HMCN1: variants seen among roughly 807,000 people sequenced by gnomAD.
HMCN1 encodes the protein hemicentin-1.
A neutral mutation model predicts 625.9 loss-of-function variants in HMCN1; 321 were observed. The ratio of observed to expected loss-of-function variants is 0.51; its 90% CI spans 0.47 to 0.56. The LOEUF (loss-of-function observed/expected upper bound fraction) is 0.56. HMCN1 is among the 20% of genes least tolerant of loss of function. The probability of loss-of-function intolerance (pLI) is 0.00; values close to 1 mark genes in which losing one functional copy is unlikely to be tolerated. For missense variants in HMCN1, 6,588 were observed against 6,887.3 expected, an observed-to-expected ratio of 0.96 and a Z score of 1.54; for synonymous variants, 2,425 against 2,417.6, an observed-to-expected ratio of 1.00 and a Z score of -0.09.
intron 103 of HMCN1, among the ~76,000 whole-genome samples, chr1:186,175,430 T>TG (rs1262116298): frequency 2.0e-5 from 3 of 152,234 alleles, no homozygotes; most frequent in Non-Finnish European, 4.4e-5. Flanking sequence ...GACTTAGCTC[T>TG]GTCTTTATGC....
At chr1:185,844,551 G>A (rs989107576) in intron 1 of HMCN1, among the ~76,000 whole-genome samples, 10 of 152,202 alleles carry the variant, frequency 6.6e-5, no homozygotes, top group Non-Finnish European at 1.5e-4. Context: ...TTTTTGAGCA[G>A]TATGTCTTTA....
chr1:186,005,401 A>ATTGTTTATAAATGTTTATAAACAAGTTT (rs1653539298), intron 29 of HMCN1, among the ~76,000 whole-genome samples: 1 of 149,036 alleles, frequency 6.7e-6, no homozygotes, highest in Non-Finnish European at 1.5e-5. Flanking sequence ...CAAGTTTTTA[A>ATTGTTTATAAATGTTTATAAACAAGTTT]TTGTTTATAA....
At chr1:186,152,939 G>A in intron 96 of HMCN1, 68 bp downstream of exon 96, 1 of 1,586,776 alleles carries the variant, frequency 6.3e-7, no homozygotes, top group African/African-American at 1.3e-5. Flanking sequence ...TCCATAGAAT[G>A]AGCACAGATA....
At chr1:186,144,880 G>A (rs887899684) in intron 91 of HMCN1, among the ~76,000 whole-genome samples, 177 bp downstream of exon 91, 3 of 152,172 alleles carry the variant, frequency 2.0e-5, no homozygotes, top group Non-Finnish European at 4.4e-5. Flanking sequence ...CGATTCATAG[G>A]GGCAGGAGCT....
chr1:185,922,330 C>T (rs1309355193), intron 6 of HMCN1, 49 bp from the exon 7 acceptor site: 2 of 1,609,172 alleles, frequency 1.2e-6, no homozygotes, highest in African/African-American at 1.3e-5. Context: ...TGCATATGAC[C>T]AGCATACTGG....
intron 4 of HMCN1, among the ~76,000 whole-genome samples, chr1:185,897,877 G>A (rs1040452996): frequency 6.6e-6 from 1 of 152,050 alleles, no homozygotes; most frequent in African/African-American, 2.4e-5. Context: ...CTGAATGTTT[G>A]CATTTACTTT....
intron 1 of HMCN1, among the ~76,000 whole-genome samples, chr1:185,737,441 G>A (rs1450864950): frequency 2.6e-5 from 4 of 152,064 alleles, no homozygotes; most frequent in African/African-American, 7.2e-5. Context: ...GGAGCATCTT[G>A]GAATGACAGG....
intron 63 of HMCN1, among the ~76,000 whole-genome samples, chr1:186,089,989 A>G (rs929980155): frequency 9.2e-5 from 14 of 151,924 alleles, no homozygotes; most frequent in African/African-American, 2.7e-4. Flanking sequence ...TATTCCCACC[A>G]TGATCTAATA....
intron 4 of HMCN1, among the ~76,000 whole-genome samples, chr1:185,882,349 TG>T (rs1201109715): frequency 6.1e-5 from 8 of 130,324 alleles, no homozygotes; most frequent in South Asian, 2.4e-4. Flanking sequence ...AAGAAATGAA[TG>T]TTTTTTTTTT....
At chr1:185,741,108 C>T (rs1242270094) in intron 1 of HMCN1, among the ~76,000 whole-genome samples, 2 of 152,190 alleles carry the variant, frequency 1.3e-5, no homozygotes, top group Non-Finnish European at 2.9e-5. Context: ...TGCCCCACCT[C>T]CCTTCCATCA....
At chr1:186,141,673 T>A (rs75299214) in intron 89 of HMCN1, among the ~76,000 whole-genome samples, 1 of 152,212 alleles carries the variant, frequency 6.6e-6, no homozygotes, top group South Asian at 2.1e-4. Context: ...CTTACACTTA[T>A]GTAGGATTTA....
chr1:186,122,924 G>T lies in HMCN1; in HGVS notation c.12230-27G>T. 5 of 1,606,918 alleles carry T rather than the reference G, an allele frequency of 3.1e-6. No individual in the cohort carries two copies. The South Asian group carries it at 4.4e-5, about 14-fold the overall frequency. ...CACTCATGCTTCTAAGATAAAGTTT[G>T]AACTTTATATTTTTTGTATATTTTA... On this transcript the variant is annotated intron_variant, in intron 80 of 106. Coordinates refer to ENST00000271588, the MANE Select transcript of HMCN1 (RefSeq NM_031935.3).
At chr1:185,895,020 C>CA (rs59422389) in intron 4 of HMCN1, among the ~76,000 whole-genome samples, 9,648 of 152,100 alleles carry the variant, frequency 0.063, 1,066 homozygotes, top group African/African-American at 0.22. Flanking sequence ...TTCTGAGTCA[C>CA]GAGTTAGTTA....
At chr1:186,069,816 A>G in intron 51 of HMCN1, 40 bp downstream of exon 51, 1 of 1,365,042 alleles carries the variant, frequency 7.3e-7, no homozygotes, top group Non-Finnish European at 1.0e-6. Flanking sequence ...AGCTTCCCCA[A>G]TTTTTCTAAC....
At chr1:185,764,616 A>G (rs1445356478) in intron 1 of HMCN1, among the ~76,000 whole-genome samples, 4 of 152,152 alleles carry the variant, frequency 2.6e-5, no homozygotes, top group Non-Finnish European at 4.4e-5. Context: ...ATAAATGTAT[A>G]CTTACTGGAT....
intron 89 of HMCN1, among the ~76,000 whole-genome samples, chr1:186,140,916 GA>G (rs1649917284): frequency 6.6e-6 from 1 of 152,046 alleles, no homozygotes; most frequent in East Asian, 1.9e-4. Context: ...GGGTTGGGGG[GA>G]TGGCTTCAGG....
chr1:185,967,313 C>A (rs1650478881), intron 14 of HMCN1, among the ~76,000 whole-genome samples: 1 of 152,050 alleles, frequency 6.6e-6, no homozygotes, highest in Admixed American at 6.6e-5. Flanking sequence ...ATCTTAAACC[C>A]AGAAATAGCT....
At chr1:186,109,937 G>A (rs893889340) in intron 71 of HMCN1, among the ~76,000 whole-genome samples, 1 of 152,132 alleles carries the variant, frequency 6.6e-6, no homozygotes, top group African/African-American at 2.4e-5. Context: ...AGACCATTAG[G>A]TGTAAAGGTA....
At chr1:186,004,708 G>C (rs1653432635) in intron 29 of HMCN1, among the ~76,000 whole-genome samples, 1 of 152,080 alleles carries the variant, frequency 6.6e-6, no homozygotes, top group Non-Finnish European at 1.5e-5. Context: ...TACCTTAAAA[G>C]GCAACTTGTT....
Sources: allele counts gnomAD v4.1 joint callset (sites outside exome capture counted in the v4.1 genomes callset), GRCh38; gene constraint gnomAD v4.1.1; transcripts MANE v1.5; gene names NCBI Gene and HGNC (gene_info 2026-07-23, HGNC 2026-07-21).